The following ANXA4 variants were observed in gnomAD, a reference collection of about 807,000 sequenced individuals.
The protein encoded by ANXA4 is annexin A4, also known as 35-beta calcimedin.
ANXA4 carries 39 observed loss-of-function variants against 49.8 expected under a neutral mutation model. The ratio of observed to expected loss-of-function variants is 0.78; its 90% CI spans 0.61 to 1.02. The LOEUF (loss-of-function observed/expected upper bound fraction) is 1.02. Among genes scored for constraint, ANXA4 ranks in the 50% least tolerant of loss-of-function variants. The probability of loss-of-function intolerance (pLI) is 0.00; values close to 1 mark genes in which losing one functional copy is unlikely to be tolerated. For synonymous variants in ANXA4, 134 were observed against 152.5 expected (o/e 0.88, Z 0.89); for missense variants, 360 against 410.1 (o/e 0.88, Z 1.05).
chr2:69,731,980 C>CTTTT (rs11425067), intron 3 of ANXA4, among the ~76,000 whole-genome samples: 12 of 120,152 alleles, frequency 1.0e-4, no homozygotes, highest in East Asian at 2.4e-4. Flanking sequence ...TCTTTTCTTT[C>CTTTT]TTTTTTTTTT....
chr2:69,701,877 T>C (rs1040745443), intron 2 of ANXA4, among the ~76,000 whole-genome samples: 1 of 152,182 alleles, frequency 6.6e-6, no homozygotes, highest in Non-Finnish European at 1.5e-5. Context: ...GGGCTTTCTT[T>C]TTCTTAGTAA....
rs957797326 is a variant in ANXA4, at chr2:69,703,935, G to A, written n.767-16839G>A. 5.3e-5 allele frequency among the ~76,000 whole-genome samples: 8 copies of A among 151,566 alleles called. No homozygotes were observed. The East Asian group carries it at 5.8e-4, about 11-fold the overall frequency. ...GACTACAGGTGCGTGCCACCCCCCC[G>A]CAGCTTAAATGTTTTAATTCTTGTA... On this transcript the variant is annotated intron_variant and non_coding_transcript_variant, in intron 2 of 3. Transcript: ENST00000418066.
chr2:69,812,743 T>C, intron 8 of ANXA4, 34 bp downstream of exon 8: 1 of 1,606,958 alleles, frequency 6.2e-7, no homozygotes. Flanking sequence ...CTTCCAGCTT[T>C]CTTCTCTTTC....
At chr2:69,658,710 T>C (rs991506406) in intron 2 of ANXA4, among the ~76,000 whole-genome samples, 1 of 152,252 alleles carries the variant, frequency 6.6e-6, no homozygotes, top group Non-Finnish European at 1.5e-5. Context: ...TTTACTTTTT[T>C]TTGAGACTGA....
chr2:69,823,732 C>A (rs1301471176), intron 12 of ANXA4, among the ~76,000 whole-genome samples: 1 of 152,098 alleles, frequency 6.6e-6, no homozygotes, highest in Admixed American at 6.5e-5. Flanking sequence ...AAACTTGAGG[C>A]TCCAGAAGAA....
intron 2 of ANXA4, among the ~76,000 whole-genome samples, chr2:69,681,018 A>G (rs1677580297): frequency 6.6e-6 from 1 of 152,162 alleles, no homozygotes; most frequent in Non-Finnish European, 1.5e-5. Flanking sequence ...TGCTGGCCTC[A>G]TAGAATGAGT....
chr2:69,726,397 C>T (rs1399312948), intron 3 of ANXA4, among the ~76,000 whole-genome samples: 4 of 152,162 alleles, frequency 2.6e-5, no homozygotes, highest in East Asian at 1.9e-4. Flanking sequence ...CAGACTAATA[C>T]AGGGCCAATC....
Position 69,767,929 on chromosome 2 carries a change from A to G in ANXA4, c.-46-13591A>G, listed in dbSNP as rs144872583. Reference sequence around the variant, plus strand: ...ACGCATATGTACATACTCTTTATATATATACACTTTGTATATATTATGCAT... The same window carrying G: ...ACGCATATGTACATACTCTTTATATGTATACACTTTGTATATATTATGCAT... On this transcript the variant is annotated intron_variant, in intron 1 of 12. Coordinates refer to ENST00000394295, the MANE Select transcript of ANXA4 (RefSeq NM_001153.5). 3.3e-5 allele frequency among the ~76,000 whole-genome samples: 5 copies of G among 152,174 alleles called. No individual in the cohort carries two copies. The East Asian group carries it at 7.7e-4, about 23-fold the overall frequency.
chr2:69,682,456 T>C (rs1452776131), intron 2 of ANXA4, among the ~76,000 whole-genome samples: 6 of 152,208 alleles, frequency 3.9e-5, no homozygotes, highest in African/African-American at 1.4e-4. Flanking sequence ...AAAGATACCC[T>C]TTTACATGTT....
chr2:69,788,946 G>A (rs1672550288), intron 3 of ANXA4, among the ~76,000 whole-genome samples: 1 of 151,980 alleles, frequency 6.6e-6, no homozygotes, highest in Non-Finnish European at 1.5e-5. Flanking sequence ...GAGATAAGTT[G>A]GGACAAACTG....
At position 69,736,258 on chromosome 2, in the gene ANXA4, G is replaced by C. The variant is rs192342229; in HGVS notation, n.864+15387G>C. On this transcript the variant is annotated intron_variant and non_coding_transcript_variant, in intron 3 of 3. Transcript: ENST00000418066. The stretch of plus-strand genomic sequence containing the variant: ...GGTTTTTGGAAGAGCACATGGGACT[G>C]AACATATTGTTGCTGCAATTCTGAA... Among the ~76,000 whole-genome samples, 137 of 152,278 alleles carry C rather than the reference G, an allele frequency of 9.0e-4. 4 individuals carry two copies. In the East Asian group the frequency reaches 0.023, roughly 25 times the overall value.
chr2:69,814,471 G>C (rs1673868452), intron 8 of ANXA4, among the ~76,000 whole-genome samples: 1 of 148,138 alleles, frequency 6.8e-6, no homozygotes, highest in South Asian at 2.1e-4. Flanking sequence ...TCAGCCTCCT[G>C]AGTAGCTGGA....
chr2:69,750,056 CTTG>C (rs1670776030), intron 1 of ANXA4, among the ~76,000 whole-genome samples: 1 of 151,866 alleles, frequency 6.6e-6, no homozygotes. Flanking sequence ...GTCTTACAGA[CTTG>C]TTGTTATGTA....
At chr2:69,747,370 C>G (rs1466600257) in intron 1 of ANXA4, among the ~76,000 whole-genome samples, 1 of 152,130 alleles carries the variant, frequency 6.6e-6, no homozygotes, top group African/African-American at 2.4e-5. Flanking sequence ...ATGATCAGCC[C>G]CCAGCATCTT....
intron 12 of ANXA4, among the ~76,000 whole-genome samples, chr2:69,824,504 GA>G (rs70954363): frequency 0.013 from 1,074 of 84,868 alleles, 10 homozygotes; most frequent in African/African-American, 0.044. Flanking sequence ...CTCCGTCTCA[GA>G]AAAAAAAAAA....
At chr2:69,711,760 C>T (rs1678684870) in intron 2 of ANXA4, among the ~76,000 whole-genome samples, 2 of 151,920 alleles carry the variant, frequency 1.3e-5, no homozygotes. Context: ...AAAATAGAAC[C>T]TGAAAACAGA....
intron 1 of ANXA4, among the ~76,000 whole-genome samples, chr2:69,779,107 CAAAAAAAAAAAA>C (rs70954359): frequency 2.2e-5 from 1 of 45,446 alleles, no homozygotes; most frequent in South Asian, 8.4e-4. Context: ...CACTCTGCCT[CAAAAAAAAAAAA>C]AAAAAAAAAA....
At chr2:69,681,490 G>A (rs1229998185) in intron 2 of ANXA4, among the ~76,000 whole-genome samples, 2 of 151,340 alleles carry the variant, frequency 1.3e-5, no homozygotes, top group African/African-American at 4.9e-5. Flanking sequence ...TCAGCCTCCT[G>A]AGTAGCTGGG....
chr2:69,760,810 A>T (rs907387020), intron 1 of ANXA4, among the ~76,000 whole-genome samples: 2 of 152,184 alleles, frequency 1.3e-5, no homozygotes, highest in Non-Finnish European at 1.5e-5. Context: ...TTCAATCAAC[A>T]TTAGCTATAA....
Sources: allele counts gnomAD v4.1 joint callset (sites outside exome capture counted in the v4.1 genomes callset), GRCh38; gene constraint gnomAD v4.1.1; transcripts MANE v1.5; gene names NCBI Gene and HGNC (gene_info 2026-07-23, HGNC 2026-07-21).